The following PIK3CB variants were observed in gnomAD, a reference collection of about 807,000 sequenced individuals.
The protein encoded by PIK3CB is phosphatidylinositol 4,5-bisphosphate 3-kinase catalytic subunit beta isoform.
Under a neutral mutation model 136.8 loss-of-function variants are expected in PIK3CB, and 39 were observed. That is an observed-to-expected ratio of 0.29 (90% CI 0.22 to 0.37). PIK3CB has a LOEUF of 0.37. Among genes scored for constraint, PIK3CB ranks in the 10% least tolerant of loss-of-function variants. PIK3CB has a pLI of 1.00. For missense variants in PIK3CB, 868 were observed against 1,275.4 expected (o/e 0.68, Z 4.87); for synonymous variants, 428 against 436.6 (o/e 0.98, Z 0.25).
chr3:138,828,169 C>A (rs1189320948), intron 1 of PIK3CB, among the ~76,000 whole-genome samples: 1 of 149,130 alleles, frequency 6.7e-6, no homozygotes. Flanking sequence ...ATTCATTCAA[C>A]AGTAATTAAA....
At position 138,657,788 on chromosome 3, in the gene PIK3CB, C is replaced by G; in HGVS notation, c.2844G>C (p.Lys948Asn). Residue 948 changes from lysine (K) to asparagine (N), a missense_variant, in exon 22 of 24, where the codon AAG becomes AAC. Around this residue, in one of 4 missense-constraint regions of PIK3CB, gnomAD observed 88 missense variants for 147.8 expected, o/e 0.60. Transcript: ENST00000674063. ...FGHILGNFKSKFGIKRERVPF... is the reference protein window; with the variant it reads ...FGHILGNFKSNFGIKRERVPF... ...GCACTCGCTCCCTTTTAATGCCAAACTTAGATTTGAAATTTCCAAGAATAT... is the reference window on the plus strand; with the variant it reads ...GCACTCGCTCCCTTTTAATGCCAAAGTTAGATTTGAAATTTCCAAGAATAT... 6.2e-7 allele frequency: 1 copy of G among 1,612,974 alleles called. No individual in the cohort carries two copies. The highest frequency in any genetic ancestry group is 8.5e-7 in the Non-Finnish European group (1 of 1,179,436).
At chr3:138,710,370 T>G (rs1340501299) in intron 10 of PIK3CB, among the ~76,000 whole-genome samples, 2 of 152,198 alleles carry the variant, frequency 1.3e-5, no homozygotes, top group Non-Finnish European at 2.9e-5. Context: ...TATCCAAAAG[T>G]AATTTTTCAG....
Position 138,734,941 on chromosome 3 carries a change from A to T in PIK3CB, c.802-137T>A, listed in dbSNP as rs77641822. ...AACCACAGCAGAATATCAAGAAATTAAAAAAAAAAAATTTTTTTTTTTTTT... is the reference window on the plus strand; with the variant it reads ...AACCACAGCAGAATATCAAGAAATTTAAAAAAAAAAATTTTTTTTTTTTTT... On this transcript the variant is annotated intron_variant, in intron 6 of 23. Transcript: ENST00000674063. 1,586 of 214,736 alleles carry T rather than the reference A, an allele frequency of 7.4e-3. 7 individuals carry two copies. The highest frequency in any genetic ancestry group is 7.7e-3 in the Non-Finnish European group (940 of 122,446). The allele number at this position is 214,736 out of a possible 1,614,324, so 13.3% of individuals were successfully genotyped here.
rs148756352 is a variant in PIK3CB, at chr3:138,771,511, G to A, written c.-16-12152C>T. 7.1e-3 allele frequency among the ~76,000 whole-genome samples: 1,078 copies of A among 152,172 alleles called. 12 individuals carry two copies. The highest frequency in any genetic ancestry group is 0.025 in the African/African-American group (1,028 of 41,508). On this transcript the variant is annotated intron_variant, in intron 2 of 23. Coordinates refer to ENST00000674063, the MANE Select transcript of PIK3CB (RefSeq NM_006219.3). ...GGGATTACAGGCGTAAGCCACCCGC[G>A]CCCGGCCCTAGAACTTCATTTTCTA...
At chr3:138,705,181 C>CAAAAAAAAA (rs1277322816) in intron 11 of PIK3CB, among the ~76,000 whole-genome samples, 2 of 58,528 alleles carry the variant, frequency 3.4e-5, no homozygotes, top group Non-Finnish European at 5.8e-5. Context: ...AAACAAAAAA[C>CAAAAAAAAA]AAAACAAACA....
At chr3:138,710,805 C>T (rs1330875468) in intron 10 of PIK3CB, among the ~76,000 whole-genome samples, 1 of 152,156 alleles carries the variant, frequency 6.6e-6, no homozygotes, top group Non-Finnish European at 1.5e-5. Context: ...GTGTTTTAGG[C>T]TGGGAGTGGT....
intron 1 of PIK3CB, among the ~76,000 whole-genome samples, chr3:138,827,761 C>T (rs1933847803): frequency 6.6e-6 from 1 of 150,568 alleles, no homozygotes; most frequent in Admixed American, 6.7e-5. Context: ...GGGCGGATCA[C>T]AAGGTCAGGA....
At chr3:138,752,299 G>T (rs2108706817) in intron 4 of PIK3CB, among the ~76,000 whole-genome samples, 1 of 152,258 alleles carries the variant, frequency 6.6e-6, no homozygotes, top group South Asian at 2.1e-4. Context: ...GTCTCTAAAG[G>T]TTCTATTGTT....
At chr3:138,785,606 T>C (rs1297923817) in intron 2 of PIK3CB, among the ~76,000 whole-genome samples, 3 of 152,142 alleles carry the variant, frequency 2.0e-5, no homozygotes, top group African/African-American at 7.2e-5. Context: ...GTTAAACAGA[T>C]GCTTGAAGGC....
chr3:138,714,449 G>C lies in PIK3CB; in HGVS notation c.1302+19C>G. The C allele has an allele frequency of 6.5e-7, 1 of 1,538,822 alleles. No homozygotes were observed. The highest frequency in any genetic ancestry group is 8.9e-7 in the Non-Finnish European group (1 of 1,124,050). On this transcript the variant is annotated intron_variant, in intron 9 of 23. Coordinates refer to ENST00000674063, the MANE Select transcript of PIK3CB (RefSeq NM_006219.3). The stretch of plus-strand genomic sequence containing the variant: ...ATTCCGTTATATAAAACAATCCTCA[G>C]AAGTTGGTATATCATTACCACTTTT...
rs558692351 is a variant in PIK3CB, at chr3:138,701,108, A to G, written c.1582-2013T>C. Among the ~76,000 whole-genome samples, 22 of 152,284 alleles carry G rather than the reference A, an allele frequency of 1.4e-4. No homozygotes were observed. The South Asian group carries it at 4.1e-3, about 29-fold the overall frequency. ...TCTTTGATATTCACACTAAAAATGC[A>G]TAACTGGGATCCTAAACATGACAAA... On this transcript the variant is annotated intron_variant, in intron 12 of 23. Transcript: ENST00000674063.
intron 8 of PIK3CB, among the ~76,000 whole-genome samples, chr3:138,729,280 G>GAA (rs150270268): frequency 6.4e-5 from 8 of 125,968 alleles, no homozygotes; most frequent in Admixed American, 3.2e-4. Context: ...GACTCTCTCA[G>GAA]AAAAAAAAAA....
At chr3:138,760,300 A>C (rs1255515110) in intron 2 of PIK3CB, among the ~76,000 whole-genome samples, 2 of 152,064 alleles carry the variant, frequency 1.3e-5, no homozygotes, top group African/African-American at 4.8e-5. Context: ...TACAGATGGC[A>C]AGGCCCCTTG....
At chr3:138,825,161 C>A in intron 1 of PIK3CB, 1 of 289,756 alleles carries the variant, frequency 3.5e-6, no homozygotes, top group South Asian at 6.7e-5. Context: ...ATGGTATCAC[C>A]ATTGGTATCT....
intron 10 of PIK3CB, among the ~76,000 whole-genome samples, chr3:138,707,944 T>C (rs892246840): frequency 7.2e-5 from 11 of 152,332 alleles, no homozygotes; most frequent in African/African-American, 2.2e-4. Flanking sequence ...TAGAAAACTC[T>C]GGAGTTCGCA....
chr3:138,652,965 T>G lies in PIK3CB; in HGVS notation c.*2424A>C, dbSNP rs2043142976. 1 of 215,606 alleles carries G rather than the reference T, an allele frequency of 4.6e-6. No homozygotes were observed. The highest frequency in any genetic ancestry group is 2.2e-5 in the African/African-American group (1 of 44,492). 13.4% of individuals were successfully genotyped at this position (215,606 alleles called of 1,614,324 possible). On this transcript the variant is annotated 3_prime_UTR_variant, in exon 24 of 24. Transcript: ENST00000674063. The stretch of plus-strand genomic sequence containing the variant: ...ATGCTCCTCATCAGGGGACCACACT[T>G]GGAGAATGATTGCTATAGATTAACA...
At chr3:138,681,822 A>G (rs1174497569) in intron 19 of PIK3CB, 145 bp downstream of exon 19, 4 of 532,950 alleles carry the variant, frequency 7.5e-6, no homozygotes, top group Non-Finnish European at 1.3e-5. Flanking sequence ...AACATATTTG[A>G]AAGTACATTC....
rs191880958 is a variant in PIK3CB at position 138,692,475 on chromosome 3, T to C, written c.1893-1332A>G. Among the ~76,000 whole-genome samples, 428 of 152,356 alleles carry C rather than the reference T, an allele frequency of 2.8e-3. 3 individuals are homozygous for C. Among genetic ancestry groups the C allele is most frequent in the Non-Finnish European group, 4.1e-3 (278 of 68,034 alleles). ...GGTCTCCAATGCAAACTTAAGCAGATGGTGAAGCAACTGGGAATTCATTTT... is the reference window on the plus strand; with the variant it reads ...GGTCTCCAATGCAAACTTAAGCAGACGGTGAAGCAACTGGGAATTCATTTT... On this transcript the variant is annotated intron_variant, in intron 14 of 23. Coordinates refer to ENST00000674063, the MANE Select transcript of PIK3CB (RefSeq NM_006219.3).
At chr3:138,674,527 G>A (rs930228876) in intron 19 of PIK3CB, among the ~76,000 whole-genome samples, 2 of 152,032 alleles carry the variant, frequency 1.3e-5, no homozygotes, top group Non-Finnish European at 2.9e-5. Flanking sequence ...CAGCCACAAC[G>A]ACAAATCCTG....
Sources: allele counts gnomAD v4.1 joint callset (sites outside exome capture counted in the v4.1 genomes callset), GRCh38; gene constraint gnomAD v4.1.1; regional missense constraint gnomAD v4.1.1; transcripts MANE v1.5; gene names NCBI Gene and HGNC (gene_info 2026-07-23, HGNC 2026-07-21).